The following CSMD2 variants were observed in gnomAD, a reference collection of about 807,000 sequenced individuals.
CSMD2 encodes CUB and sushi domain-containing protein 2.
CSMD2 carries 130 observed loss-of-function variants against 398.5 expected under a neutral mutation model. That is an observed-to-expected ratio of 0.33 (90% CI 0.28 to 0.38). CSMD2 has a LOEUF of 0.38. CSMD2 is among the 10% of genes least tolerant of loss of function. The pLI is 1.00. For synonymous variants in CSMD2, 1,828 were observed against 1,908.5 expected, an observed-to-expected ratio of 0.96 and a Z score of 1.10; for missense variants, 3,829 against 4,764.9, an observed-to-expected ratio of 0.80 and a Z score of 5.78.
chr1:33,946,642 G>A (rs1644846818), intron 3 of CSMD2, among the ~76,000 whole-genome samples: 1 of 149,056 alleles, frequency 6.7e-6, no homozygotes. Flanking sequence ...TTTTTGAGAC[G>A]GAGTCTTACT....
At chr1:33,673,282 G>A (rs1188695526) in intron 25 of CSMD2, among the ~76,000 whole-genome samples, 10 of 152,204 alleles carry the variant, frequency 6.6e-5, no homozygotes, top group Non-Finnish European at 1.3e-4. Flanking sequence ...TGATGGTGCT[G>A]AAAACCACGG....
chr1:33,812,278 C>T (rs1656952656), intron 9 of CSMD2, among the ~76,000 whole-genome samples: 1 of 152,286 alleles, frequency 6.6e-6, no homozygotes. Context: ...CAGGTGTTGT[C>T]AGAGGGTTAT....
At chr1:34,141,805 A>G (rs975485528) in intron 1 of CSMD2, among the ~76,000 whole-genome samples, 2 of 152,190 alleles carry the variant, frequency 1.3e-5, no homozygotes, top group African/African-American at 2.4e-5. Context: ...CGAGAATGCA[A>G]GGAGGGAAAC....
chr1:34,110,691 GAGGCAAACACATGGACACA>G (rs1660993328), intron 1 of CSMD2, among the ~76,000 whole-genome samples: 3 of 146,420 alleles, frequency 2.0e-5, no homozygotes, highest in Non-Finnish European at 4.7e-5. Flanking sequence ...TGGACACAAA[GAGGCAAACACATGGACACA>G]AAGAGGCGAG....
At chr1:33,975,513 A>AC in intron 3 of CSMD2, among the ~76,000 whole-genome samples, 1 of 150,382 alleles carries the variant, frequency 6.6e-6, no homozygotes, top group Non-Finnish European at 1.5e-5. Context: ...ACACACACAC[A>AC]AGTGCATAAA....
At chr1:34,038,480 T>C (rs2148177867) in intron 2 of CSMD2, among the ~76,000 whole-genome samples, 1 of 152,336 alleles carries the variant, frequency 6.6e-6, no homozygotes, top group Non-Finnish European at 1.5e-5. Context: ...TTCTCCACTG[T>C]CTTTTCTTTG....
At chr1:33,567,878 C>G (rs1391892379) in intron 52 of CSMD2, 37 bp from the exon 53 acceptor site, 1 of 1,544,108 alleles carries the variant, frequency 6.5e-7, no homozygotes, top group Non-Finnish European at 8.7e-7. Context: ...GACCAACTAT[C>G]CCACAACTCA....
intron 1 of CSMD2, among the ~76,000 whole-genome samples, chr1:34,103,556 A>C (rs1660229004): frequency 1.3e-5 from 2 of 151,974 alleles, no homozygotes; most frequent in African/African-American, 4.8e-5. Context: ...CGGCCTCCCA[A>C]AGTGCTGGGA....
intron 3 of CSMD2, among the ~76,000 whole-genome samples, chr1:33,987,671 T>G (rs1031217346): frequency 2.0e-5 from 3 of 152,106 alleles, no homozygotes; most frequent in African/African-American, 7.2e-5. Flanking sequence ...GCTTCAGACC[T>G]TCAAGTGAAA....
intron 7 of CSMD2, among the ~76,000 whole-genome samples, chr1:33,821,162 G>T (rs1470964349): frequency 1.3e-5 from 2 of 152,130 alleles, no homozygotes; most frequent in Non-Finnish European, 2.9e-5. Context: ...CCTACCCAGT[G>T]CCACCCATCA....
At chr1:33,573,189 C>T (rs542575410) in intron 49 of CSMD2, among the ~76,000 whole-genome samples, 1 of 152,306 alleles carries the variant, frequency 6.6e-6, no homozygotes, top group Middle Eastern at 3.4e-3. Flanking sequence ...ATACTCAACT[C>T]AACCTCTCAC....
At chr1:33,968,728 G>A (rs950018548) in intron 3 of CSMD2, among the ~76,000 whole-genome samples, 3 of 152,160 alleles carry the variant, frequency 2.0e-5, no homozygotes, top group Non-Finnish European at 4.4e-5. Context: ...TTGAAACCCT[G>A]CACTGAGGAC....
At chr1:33,716,173 G>A (rs1339371873) in intron 20 of CSMD2, 113 bp downstream of exon 20, 9 of 884,172 alleles carry the variant, frequency 1.0e-5, no homozygotes, top group Non-Finnish European at 1.2e-5. Context: ...AACTTCCCAG[G>A]GACTGGAGAG....
rs572942496 is a variant in CSMD2 at position 33,998,043 on chromosome 1, T to C, written c.517+34551A>G. 1.4e-3 allele frequency among the ~76,000 whole-genome samples: 210 copies of C among 152,224 alleles called. 1 individual carries two copies. Among genetic ancestry groups the C allele is most frequent in the Non-Finnish European group, 1.5e-3 (99 of 68,024 alleles). The stretch of plus-strand genomic sequence containing the variant: ...AATTTAATCCCCAATGTGGCAGTAT[T>C]GAGAGGTGTGGCCTTCAAAAGGCGA... On this transcript the variant is annotated intron_variant, in intron 3 of 70. Coordinates refer to ENST00000373381, the MANE Select transcript of CSMD2 (RefSeq NM_001281956.2).
chr1:34,152,610 T>C (rs568977961), intron 1 of CSMD2, among the ~76,000 whole-genome samples: 8 of 152,174 alleles, frequency 5.3e-5, no homozygotes, highest in Non-Finnish European at 8.8e-5. Flanking sequence ...CTTCACCTGC[T>C]CACTCCTGTT....
chr1:33,635,076 G>GC lies in CSMD2; in HGVS notation c.5086+137dup. ...CCCGTTTGAGAAACGTCAGCACTCG[G>GC]CCGTCCTTTTGGGGAGACTGTTCTG... On this transcript the variant is annotated intron_variant, in intron 31 of 70. Transcript: ENST00000373381. This position sits in a 1 kb window ranked among gnomAD's most constrained non-coding sequence, Gnocchi z 5.0. 1 of 610,008 alleles carries GC rather than the reference G, an allele frequency of 1.6e-6. No homozygotes were observed. The highest frequency in any genetic ancestry group is 3.0e-6 in the Non-Finnish European group (1 of 330,486). 37.8% of individuals were successfully genotyped at this position (610,008 alleles called of 1,614,324 possible).
At chr1:34,128,522 G>C (rs1225971238) in intron 1 of CSMD2, among the ~76,000 whole-genome samples, 1 of 152,170 alleles carries the variant, frequency 6.6e-6, no homozygotes, top group South Asian at 2.1e-4. Flanking sequence ...AGAAGACCTG[G>C]GTGTTCAAAG....
intron 49 of CSMD2, among the ~76,000 whole-genome samples, chr1:33,573,523 CA>C (rs60051115): frequency 4.3e-5 from 6 of 138,238 alleles, no homozygotes; most frequent in Admixed American, 7.2e-5. Context: ...AAAAAACAAA[CA>C]AAAAAAAAAC....
intron 15 of CSMD2, among the ~76,000 whole-genome samples, chr1:33,736,415 A>T (rs1646886926): frequency 6.6e-6 from 1 of 151,672 alleles, no homozygotes; most frequent in Admixed American, 6.6e-5. Flanking sequence ...TGGGAGGTGG[A>T]GCTTGCAGTG....
Sources: gnomAD v4.1 joint callset for allele counts (sites outside exome capture counted in the v4.1 genomes callset) on GRCh38, gnomAD v4.1.1 for gene constraint, Gnocchi (gnomAD v3.1) non-coding constraint, MANE v1.5 for transcripts, NCBI Gene and HGNC (gene_info 2026-07-23, HGNC 2026-07-21) for gene names.